PITPNM2: variants seen among roughly 807,000 people sequenced by gnomAD.
The protein encoded by PITPNM2 is membrane-associated phosphatidylinositol transfer protein 2.
A neutral mutation model predicts 132.2 loss-of-function variants in PITPNM2; 35 were observed. The observed-to-expected ratio is 0.26, with a 90% CI of 0.20 to 0.35. The LOEUF is 0.35. Ranked by LOEUF, PITPNM2 falls within the 10% of genes least tolerant of loss-of-function variation. The pLI is 1.00. For synonymous variants in PITPNM2, 738 were observed against 799.2 expected, an observed-to-expected ratio of 0.92 and a Z score of 1.29; for missense variants, 1,332 against 1,912.0, an observed-to-expected ratio of 0.70 and a Z score of 5.66.
rs150006976 is a variant in PITPNM2, at chr12:123,026,029, C to T, written c.78+8484G>A. ...ATTCCAGAGCCTGCTCAGCCCAAAGCACCAAGGTGGCTCAAGGAAAAGACC... is the reference window on the plus strand; with the variant it reads ...ATTCCAGAGCCTGCTCAGCCCAAAGTACCAAGGTGGCTCAAGGAAAAGACC... On this transcript the variant is annotated intron_variant, in intron 3 of 25. Transcript: ENST00000320201. 3.0e-3 allele frequency among the ~76,000 whole-genome samples: 451 copies of T among 152,284 alleles called. 2 individuals carry two copies. The highest frequency in any genetic ancestry group is 0.01 in the African/African-American group (431 of 41,554).
intron 2 of PITPNM2, among the ~76,000 whole-genome samples, chr12:123,052,683 T>C (rs766475673): frequency 6.6e-6 from 1 of 152,150 alleles, no homozygotes; most frequent in Admixed American, 6.5e-5. Flanking sequence ...TGAAAATTCT[T>C]TTCTACTCTT....
rs1940579798 is a variant in PITPNM2, at chr12:122,988,863, T to C, written c.2741A>G (p.Lys914Arg). The C allele has an allele frequency of 6.4e-7, 1 of 1,564,722 alleles. No homozygotes were observed. The highest frequency in any genetic ancestry group is 1.4e-5 in the African/African-American group (1 of 73,878). ...GTCGATCCGCTTCTGGCCCCACCACTTTGCAGCGACTGCCAGGAGGGGCCG... is the reference window on the plus strand; with the variant it reads ...GTCGATCCGCTTCTGGCCCCACCACCTTGCAGCGACTGCCAGGAGGGGCCG... ...PELDIGEVAA[K>R]WWGQKRIDYA... Residue 914 changes from lysine to arginine, a missense_variant, in exon 19 of 26, where the codon AAG (lysine) becomes AGG (arginine). Lys to Arg is a conservative substitution (Grantham distance 26, BLOSUM62 2). Coordinates refer to ENST00000320201, the MANE Select transcript of PITPNM2 (RefSeq NM_020845.3).
intron 1 of PITPNM2, among the ~76,000 whole-genome samples, chr12:123,133,133 A>G (rs759204241): frequency 1.3e-5 from 2 of 152,174 alleles, no homozygotes; most frequent in African/African-American, 4.8e-5. Context: ...GGAACCACCA[A>G]ATTGTCTTCC....
chr12:123,151,197 T>G, upstream of PITPNM2, among the ~76,000 whole-genome samples: 1 of 141,450 alleles, frequency 7.1e-6, no homozygotes. Flanking sequence ...CCCTGCGGAG[T>G]CTCGGCCCGG....
chr12:122,997,278 G>A, intron 11 of PITPNM2, 47 bp downstream of exon 11: 1 of 1,608,248 alleles, frequency 6.2e-7, no homozygotes, highest in Non-Finnish European at 8.5e-7. Flanking sequence ...GGTAGGAGGA[G>A]GACAGTGCAC....
At chr12:123,047,407 C>T (rs553185650) in intron 2 of PITPNM2, among the ~76,000 whole-genome samples, 12 of 152,246 alleles carry the variant, frequency 7.9e-5, no homozygotes, top group Admixed American at 7.2e-4. Flanking sequence ...AAAATACAGG[C>T]GTCTTGGTTC....
intron 1 of PITPNM2, among the ~76,000 whole-genome samples, chr12:123,112,216 C>T (rs1219651059): frequency 6.6e-6 from 1 of 152,190 alleles, no homozygotes; most frequent in Non-Finnish European, 1.5e-5. Flanking sequence ...ACTTGGGGAA[C>T]AGACCTCTAG....
chr12:123,034,143 A>C (rs2040191684), intron 3 of PITPNM2: 2 of 196,626 alleles, frequency 1.0e-5, no homozygotes, highest in East Asian at 1.2e-4. Flanking sequence ...ACTGTGAGGA[A>C]GTGTGTTCCT....
intron 2 of PITPNM2, among the ~76,000 whole-genome samples, chr12:123,103,889 TTTG>T (rs1324725146): frequency 6.8e-6 from 1 of 147,324 alleles, no homozygotes; most frequent in Non-Finnish European, 1.5e-5. Context: ...CTTTATTTAT[TTTG>T]TTATTTTATT....
chr12:123,117,239 C>A lies in PITPNM2; in HGVS notation c.-199-6751G>T, dbSNP rs1391863609. ...CAATGGAGTGAATGCTGAAATGAAG[C>A]CGGTGCTGAGTTTCAAACAGCGGTC... On this transcript the variant is annotated intron_variant, in intron 1 of 25. Transcript: ENST00000320201. This position sits in a 1 kb window ranked among gnomAD's most constrained non-coding sequence, Gnocchi z 4.7. Among the ~76,000 whole-genome samples the A allele has an allele frequency of 6.6e-6, 1 of 152,164 alleles. No homozygotes were observed. Among genetic ancestry groups the A allele is most frequent in the African/African-American group, 2.4e-5 (1 of 41,430 alleles).
intron 1 of PITPNM2, among the ~76,000 whole-genome samples, chr12:123,129,103 T>C (rs1226573846): frequency 6.6e-6 from 1 of 151,850 alleles, no homozygotes; most frequent in Non-Finnish European, 1.5e-5. Context: ...GCCATTGCAC[T>C]CCAGCCTGGG....
intron 1 of PITPNM2, among the ~76,000 whole-genome samples, chr12:123,127,616 T>C (rs1593029798): frequency 6.6e-6 from 1 of 150,858 alleles, no homozygotes; most frequent in African/African-American, 2.4e-5. Context: ...CTTTCTTTTT[T>C]TTTTTTTTTT....
At chr12:123,030,048 T>G (rs781741073) in intron 3 of PITPNM2, among the ~76,000 whole-genome samples, 6 of 120,054 alleles carry the variant, frequency 5.0e-5, no homozygotes, top group Non-Finnish European at 9.6e-5. Flanking sequence ...GACAGGAAAC[T>G]GCGAGGATTC....
chr12:123,125,396 C>T (rs1566302990), intron 1 of PITPNM2, among the ~76,000 whole-genome samples: 1 of 152,178 alleles, frequency 6.6e-6, no homozygotes. Flanking sequence ...AAAAAGCAGA[C>T]TCAGTCATAT....
chr12:122,991,344 G>A (rs1018724320), intron 16 of PITPNM2, among the ~76,000 whole-genome samples: 1 of 152,216 alleles, frequency 6.6e-6, no homozygotes, highest in Admixed American at 6.5e-5. Context: ...GGTACAGGAG[G>A]TGCCTGGGTG....
rs1157704941 is a variant in PITPNM2 at position 122,995,646 on chromosome 12, C to T, written c.1797G>A (p.Leu599=). ...SVVSMQDNDL[L]SPGILMNAAH... is the part of the protein sequence containing the mutation. ...CTGCATTCATCAGGATGCCCGGGGA[C>T]AGCAGGTCATTGTCCTGGAACGGCC... Residue 599 remains leucine, a synonymous_variant, in exon 14 of 26, where the codon CTG becomes CTA. Coordinates refer to ENST00000320201, the MANE Select transcript of PITPNM2 (RefSeq NM_020845.3). The T allele has an allele frequency of 3.1e-6, 5 of 1,598,172 alleles. No individual in the cohort carries two copies. The highest frequency in any genetic ancestry group is 1.3e-5 in the African/African-American group (1 of 74,774).
rs1480047458 is a variant in PITPNM2 at position 123,095,185 on chromosome 12, A to C, written c.-96+15200T>G. The stretch of plus-strand genomic sequence containing the variant: ...GGCTTGGAACGTGGTGAGGGGGCCC[A>C]GGGGAATGGGCTGCTCCCCTGGGGA... On this transcript the variant is annotated intron_variant, in intron 2 of 25. Transcript: ENST00000320201. This position sits in a 1 kb window ranked among gnomAD's most constrained non-coding sequence, Gnocchi z 5.0. Among the ~76,000 whole-genome samples the C allele has an allele frequency of 1.3e-5, 2 of 152,120 alleles. No homozygotes were observed. Among genetic ancestry groups the C allele is most frequent in the African/African-American group, 2.4e-5 (1 of 41,438 alleles).
chr12:123,009,830 C>G lies in PITPNM2; in HGVS notation c.643+20G>C. On this transcript the variant is annotated intron_variant, in intron 6 of 25. Coordinates refer to ENST00000320201, the MANE Select transcript of PITPNM2 (RefSeq NM_020845.3). This position sits in a 1 kb window ranked among gnomAD's most constrained non-coding sequence, Gnocchi z 4.8. ...GGTTGGGTAGCCCAGCCACTGCCCA[C>G]CTGGCATGGGTGTGCTCACCGGTGT... The G allele has an allele frequency of 6.2e-7, 1 of 1,610,388 alleles. No homozygotes were observed.
chr12:123,073,547 C>T (rs2041681132), intron 2 of PITPNM2, among the ~76,000 whole-genome samples: 1 of 152,238 alleles, frequency 6.6e-6, no homozygotes, highest in African/African-American at 2.4e-5. Context: ...AACTGAGGCA[C>T]ATATCTCCTC....
Sources: gnomAD v4.1 joint callset for allele counts (sites outside exome capture counted in the v4.1 genomes callset) on GRCh38, gnomAD v4.1.1 for gene constraint, Gnocchi (gnomAD v3.1) non-coding constraint, MANE v1.5 for transcripts, NCBI Gene and HGNC (gene_info 2026-07-23, HGNC 2026-07-21) for gene names.